COL6A5: variants seen among roughly 807,000 people sequenced by gnomAD.
COL6A5 encodes the protein collagen alpha-5(VI) chain.
Under a neutral mutation model 65.6 loss-of-function variants are expected in COL6A5, and 48 were observed. That is an observed-to-expected ratio of 0.73 (90% CI 0.58 to 0.93). The LOEUF (loss-of-function observed/expected upper bound fraction) is 0.93, where lower values mean the gene tolerates loss of function less well. Among genes scored for constraint, COL6A5 ranks in the 40% least tolerant of loss-of-function variants. The pLI is 0.00. For missense variants in COL6A5, 914 were observed against 928.3 expected, an observed-to-expected ratio of 0.98 and a Z score of 0.20; for synonymous variants, 291 against 322.8, an observed-to-expected ratio of 0.90 and a Z score of 1.05.
intron 5 of COL6A5, among the ~76,000 whole-genome samples, chr3:130,386,813 T>C (rs1011298112): frequency 2.6e-5 from 4 of 151,896 alleles, no homozygotes; most frequent in African/African-American, 9.7e-5. Flanking sequence ...AGATAAGTTG[T>C]GGACAAGGAA....
At chr3:130,410,722 C>T (rs1937146571) in intron 20 of COL6A5, among the ~76,000 whole-genome samples, 198 bp downstream of exon 20, 1 of 152,134 alleles carries the variant, frequency 6.6e-6, no homozygotes, top group South Asian at 2.1e-4. Context: ...AGATGTTTTG[C>T]AGCATCCCTG....
At chr3:130,377,417 TA>T (rs1468754225) in intron 3 of COL6A5, among the ~76,000 whole-genome samples, 1 of 152,222 alleles carries the variant, frequency 6.6e-6, no homozygotes, top group Non-Finnish European at 1.5e-5. Flanking sequence ...AGACTCACAA[TA>T]AATATTCAAT....
chr3:130,469,170 C>G, exon 6 of COL6A5: 1 of 1,613,168 alleles, frequency 6.2e-7, no homozygotes, highest in South Asian at 1.1e-5. Context: ...ATTGGCCATG[C>G]CTTGCAGTGG....
chr3:130,440,296 G>A (rs139786295), exon 3 of COL6A5: 3 of 1,613,314 alleles, frequency 1.9e-6, no homozygotes, highest in Non-Finnish European at 2.5e-6. Flanking sequence ...AAGCCTTGGT[G>A]AGCTCAGTGA....
At chr3:130,449,973 A>G (rs907925567) in intron 4 of COL6A5, among the ~76,000 whole-genome samples, 1 of 152,086 alleles carries the variant, frequency 6.6e-6, no homozygotes. Flanking sequence ...GGGACAATCA[A>G]AGGCAAAGAA....
exon 8 of COL6A5, chr3:130,484,431 A>G: frequency 2.5e-6 from 1 of 402,782 alleles, no homozygotes. Flanking sequence ...ACTCCTCTAA[A>G]AGCATTTGGA....
chr3:130,426,408 G>A lies in COL6A5; in HGVS notation c.5236+5G>A, dbSNP rs773523990. 101 of 1,550,968 alleles carry A rather than the reference G, an allele frequency of 6.5e-5. No individual in the cohort carries two copies. The highest frequency in any genetic ancestry group is 8.6e-5 in the Non-Finnish European group (99 of 1,146,574). On this transcript the variant is annotated splice_donor_5th_base_variant and intron_variant and NMD_transcript_variant, in intron 31 of 41. Transcript: ENST00000312481. Reference sequence around the variant, plus strand: ...GGTTTTTGCGGGAACATAGTCGTGAGTATCTGTTACGGAACAAGAGCATCC... The same window carrying A: ...GGTTTTTGCGGGAACATAGTCGTGAATATCTGTTACGGAACAAGAGCATCC...
At chr3:130,479,819 G>C (rs1336636779) in intron 7 of COL6A5, among the ~76,000 whole-genome samples, 1 of 152,006 alleles carries the variant, frequency 6.6e-6, no homozygotes, top group South Asian at 2.1e-4. Flanking sequence ...AAACATTTTA[G>C]TTTTTTGAGA....
exon 4 of COL6A5, chr3:130,379,507 C>T: frequency 1.3e-6 from 2 of 1,551,380 alleles, no homozygotes; most frequent in Non-Finnish European, 1.7e-6. Flanking sequence ...AAATTTAAGG[C>T]ATCTTCAGAC....
intron 2 of COL6A5, 46 bp from the exon 35 acceptor site, chr3:130,440,120 T>A (rs766895296): frequency 6.7e-7 from 1 of 1,489,696 alleles, no homozygotes. Context: ...AAGTGTCTTG[T>A]TGGGTCAGTG....
At chr3:130,459,777 T>C (rs1006389601) in intron 5 of COL6A5, among the ~76,000 whole-genome samples, 1 of 152,044 alleles carries the variant, frequency 6.6e-6, no homozygotes, top group African/African-American at 2.4e-5. Context: ...AAAATTCAAA[T>C]ACCAAGTTTC....
chr3:130,409,095 T>C (rs1937093130), intron 17 of COL6A5, among the ~76,000 whole-genome samples: 1 of 152,142 alleles, frequency 6.6e-6, no homozygotes, highest in Non-Finnish European at 1.5e-5. Context: ...TATTGGACAG[T>C]GCTATGTTAG....
At chr3:130,453,429 A>G (rs2107597689) in intron 4 of COL6A5, among the ~76,000 whole-genome samples, 1 of 152,166 alleles carries the variant, frequency 6.6e-6, no homozygotes, top group South Asian at 2.1e-4. Flanking sequence ...CTCTCCATCA[A>G]AACCCATAGT....
At chr3:130,368,546 A>AGTGTGTGTGT (rs148381805) in intron 1 of COL6A5, among the ~76,000 whole-genome samples, 3 of 150,056 alleles carry the variant, frequency 2.0e-5, no homozygotes, top group African/African-American at 7.3e-5. Context: ...TGTGTGAGAG[A>AGTGTGTGTGT]GTGTGTGTGT....
chr3:130,354,561 A>C (rs1287524946), intron 1 of COL6A5, among the ~76,000 whole-genome samples: 1 of 152,190 alleles, frequency 6.6e-6, no homozygotes, highest in Non-Finnish European at 1.5e-5. Context: ...CAGAGTCTAC[A>C]TTTTAATAAG....
intron 7 of COL6A5, among the ~76,000 whole-genome samples, chr3:130,478,919 A>G (rs986322355): frequency 5.9e-5 from 9 of 152,030 alleles, no homozygotes; most frequent in African/African-American, 2.2e-4. Flanking sequence ...GATAAATTTC[A>G]TTTTGTAATC....
At position 130,448,861 on chromosome 3, in the gene COL6A5, T is replaced by C. The variant is rs1013719809; in HGVS notation, c.1332+5295T>C. Among the ~76,000 whole-genome samples, 4 of 152,182 alleles carry C rather than the reference T, an allele frequency of 2.6e-5. No individual in the cohort carries two copies. The East Asian group carries it at 7.7e-4, about 29-fold the overall frequency. ...AAAGCAAATTTTTCACATTCTGATT[T>C]ATGTAAAGCAATATGAAAACAGCAA... On this transcript the variant is annotated intron_variant, in intron 4 of 7. Coordinates refer to ENST00000512836, the Ensembl canonical transcript of COL6A5.
intron 25 of COL6A5, among the ~76,000 whole-genome samples, chr3:130,419,140 A>G (rs1937452090): frequency 6.6e-6 from 1 of 152,066 alleles, no homozygotes; most frequent in Non-Finnish European, 1.5e-5. Context: ...CAGGAGAATG[A>G]GGGTAGGCAG....
At chr3:130,408,897 T>C (rs1577479343) in intron 17 of COL6A5, among the ~76,000 whole-genome samples, 1 of 152,352 alleles carries the variant, frequency 6.6e-6, no homozygotes, top group East Asian at 1.9e-4. Flanking sequence ...GTTGCTAGAC[T>C]GGCTAGGATG....
Sources: allele counts gnomAD v4.1 joint callset (sites outside exome capture counted in the v4.1 genomes callset), GRCh38; gene constraint gnomAD v4.1.1; transcripts MANE v1.5; gene names NCBI Gene and HGNC (gene_info 2026-07-23, HGNC 2026-07-21).